KANSL1: variants seen among roughly 807,000 people sequenced by gnomAD.
KANSL1 encodes the protein KAT8 regulatory NSL complex subunit 1, also known as MLL1/MLL complex subunit KANSL1.
In KANSL1, 22 loss-of-function variants were observed where a neutral mutation model predicts 103.6. That is an observed-to-expected ratio of 0.21 (90% CI 0.15 to 0.30). The LOEUF is 0.30. Among genes scored for constraint, KANSL1 ranks in the 10% least tolerant of loss-of-function variants. The pLI, the probability that KANSL1 is intolerant of heterozygous loss-of-function variation, is 1.00. For synonymous variants in KANSL1, 600 were observed against 527.6 expected (o/e 1.14, Z -1.88); for missense variants, 1,337 against 1,399.8 (o/e 0.96, Z 0.72).
At chr17:46,159,233 C>T (rs2045601872) in intron 2 of KANSL1, among the ~76,000 whole-genome samples, 1 of 152,212 alleles carries the variant, frequency 6.6e-6, no homozygotes, top group Non-Finnish European at 1.5e-5. Flanking sequence ...ACAGCCTGGT[C>T]CCACCACAAA....
intron 2 of KANSL1, among the ~76,000 whole-genome samples, chr17:46,113,833 T>G (rs573923732): frequency 1.3e-5 from 2 of 152,158 alleles, no homozygotes; most frequent in African/African-American, 4.8e-5. Flanking sequence ...AACATTCACA[T>G]AGACTTTGTA....
upstream of KANSL1, among the ~76,000 whole-genome samples, chr17:46,198,393 A>G (rs1489616523): frequency 6.9e-6 from 1 of 145,146 alleles, no homozygotes; most frequent in Non-Finnish European, 1.5e-5. Flanking sequence ...TCAAACACCT[A>G]TCTACTTAGG....
chr17:46,052,145 G>A (rs1011674001), intron 6 of KANSL1, among the ~76,000 whole-genome samples: 1 of 152,188 alleles, frequency 6.6e-6, no homozygotes, highest in Non-Finnish European at 1.5e-5. Context: ...CACAGTGGGT[G>A]AGTGGGAGGA....
intron 2 of KANSL1, among the ~76,000 whole-genome samples, chr17:46,101,466 A>C (rs1406385864): frequency 6.6e-6 from 1 of 152,212 alleles, no homozygotes; most frequent in Non-Finnish European, 1.5e-5. Context: ...ATAACAATTT[A>C]GTCAGCTGGG....
At position 46,206,086 on chromosome 17, in the gene KANSL1, A is replaced by C. The variant is rs1157994221; in HGVS notation, c.-90+17585T>G. On this transcript the variant is annotated intron_variant, in intron 1 of 14. Coordinates refer to the KANSL1 transcript ENST00000572904. The stretch of plus-strand genomic sequence containing the variant: ...GACAGAACAAGACTGTGTCCCCCAA[A>C]AAAAAAAAAAAAAAAAAAAGGAAAG... Among the ~76,000 whole-genome samples, 3 of 150,304 alleles carry C rather than the reference A, an allele frequency of 2.0e-5. No homozygotes were observed. In the East Asian group the frequency reaches 5.8e-4, roughly 29 times the overall value.
chr17:46,037,606 T>C (rs2077187956), intron 10 of KANSL1: 1 of 152,246 alleles, frequency 6.6e-6, no homozygotes, highest in African/African-American at 2.4e-5. Flanking sequence ...CCCTCACAAG[T>C]TGCCTTGACA....
At chr17:46,174,697 C>T (rs1333317014) in intron 1 of KANSL1, among the ~76,000 whole-genome samples, 1 of 152,172 alleles carries the variant, frequency 6.6e-6, no homozygotes, top group Admixed American at 6.5e-5. Context: ...TATTTTGAAA[C>T]AGGGTCTAGC....
intron 6 of KANSL1, among the ~76,000 whole-genome samples, chr17:46,056,187 G>A (rs1008163180): frequency 1.3e-5 from 2 of 152,060 alleles, no homozygotes; most frequent in African/African-American, 4.8e-5. Context: ...TAGTAGAGAC[G>A]GGGGTTTCGC....
At chr17:46,049,940 G>C (rs2077655439) in intron 7 of KANSL1, 1 of 150,482 alleles carries the variant, frequency 6.6e-6, no homozygotes, top group Admixed American at 6.6e-5. Flanking sequence ...TTTTGAGACA[G>C]AGTCTTGCTC....
chr17:46,143,296 C>T (rs987311596), intron 2 of KANSL1, among the ~76,000 whole-genome samples: 1 of 151,842 alleles, frequency 6.6e-6, no homozygotes, highest in African/African-American at 2.4e-5. Flanking sequence ...GAGTTCAAGA[C>T]CAGCCTGGCC....
intron 2 of KANSL1, among the ~76,000 whole-genome samples, chr17:46,166,490 C>A (rs1377723490): frequency 6.7e-6 from 1 of 150,122 alleles, no homozygotes; most frequent in African/African-American, 2.5e-5. Flanking sequence ...CCAGCCTGGG[C>A]AACAAGAGCA....
intron 3 of KANSL1, among the ~76,000 whole-genome samples, chr17:46,091,170 G>A (rs2079373046): frequency 6.6e-6 from 1 of 152,098 alleles, no homozygotes; most frequent in East Asian, 1.9e-4. Flanking sequence ...GTGGGCCTAC[G>A]TTCATGTGTG....
At position 46,031,458 on chromosome 17, in the gene KANSL1, T is replaced by C; in HGVS notation, c.*18A>G. On this transcript the variant is annotated 3_prime_UTR_variant, in exon 15 of 15. Transcript: ENST00000432791. ...AATGCCAATAGTTAGTGAGTCTGTTTAGATGGCTGTCTCCCGCTCATCTGT... is the reference window on the plus strand; with the variant it reads ...AATGCCAATAGTTAGTGAGTCTGTTCAGATGGCTGTCTCCCGCTCATCTGT... 6.3e-7 allele frequency: 1 copy of C among 1,579,454 alleles called. No individual in the cohort carries two copies. Among genetic ancestry groups the C allele is most frequent in the Non-Finnish European group, 8.6e-7 (1 of 1,156,366 alleles).
chr17:46,118,120 A>C (rs1428026826), intron 2 of KANSL1, among the ~76,000 whole-genome samples: 3 of 152,232 alleles, frequency 2.0e-5, no homozygotes, highest in Non-Finnish European at 4.4e-5. Flanking sequence ...AATCTGTGAT[A>C]TGAAGCAAGC....
At chr17:46,100,327 C>T (rs1418407922) in intron 2 of KANSL1, among the ~76,000 whole-genome samples, 2 of 151,842 alleles carry the variant, frequency 1.3e-5, no homozygotes, top group Non-Finnish European at 2.9e-5. Context: ...ATCCCAGCTA[C>T]ATAGGAGGCT....
At chr17:46,124,563 C>T (rs1053247605) in intron 2 of KANSL1, among the ~76,000 whole-genome samples, 4 of 152,198 alleles carry the variant, frequency 2.6e-5, no homozygotes, top group African/African-American at 7.2e-5. Flanking sequence ...TTCTGTAAGG[C>T]TATAGCTGCC....
intron 2 of KANSL1, among the ~76,000 whole-genome samples, chr17:46,145,876 C>T (rs1209687259): frequency 1.3e-5 from 2 of 152,204 alleles, no homozygotes; most frequent in Middle Eastern, 3.4e-3. Flanking sequence ...TTACAGGCGT[C>T]GACCATGACA....
At chr17:46,033,612 T>C (rs902386244) in intron 11 of KANSL1, 152 bp from the exon 12 acceptor site, 4 of 673,276 alleles carry the variant, frequency 5.9e-6, no homozygotes, top group Non-Finnish European at 1.1e-5. Flanking sequence ...TCAGTCTCCC[T>C]ACCCTGTCAA....
chr17:46,211,649 G>GATTA (rs2048173933), intron 1 of KANSL1, among the ~76,000 whole-genome samples: 1 of 152,250 alleles, frequency 6.6e-6, no homozygotes, highest in Non-Finnish European at 1.5e-5. Flanking sequence ...GGTTTCACTG[G>GATTA]AGATTAAATT....
Sources: gnomAD v4.1 joint callset for allele counts (sites outside exome capture counted in the v4.1 genomes callset) on GRCh38, gnomAD v4.1.1 for gene constraint, MANE v1.5 for transcripts, NCBI Gene and HGNC (gene_info 2026-07-23, HGNC 2026-07-21) for gene names.